The following RBFOX1 variants were observed in gnomAD, a reference collection of about 807,000 sequenced individuals.
RBFOX1 encodes the protein RNA binding fox-1 homolog 1.
RBFOX1 carries 8 observed loss-of-function variants against 57.7 expected under a neutral mutation model. That is an observed-to-expected ratio of 0.14 (90% CI 0.08 to 0.25). The LOEUF is 0.25. RBFOX1 is among the 10% of genes least tolerant of loss of function. The probability of loss-of-function intolerance (pLI) is 1.00; values close to 1 mark genes in which losing one functional copy is unlikely to be tolerated. For missense variants in RBFOX1, 611 were observed against 548.5 expected, an observed-to-expected ratio of 1.11 and a Z score of -1.14; for synonymous variants, 326 against 222.4, an observed-to-expected ratio of 1.47 and a Z score of -4.15.
At chr16:7,705,794 T>G (rs1325884498) in intron 14 of RBFOX1, among the ~76,000 whole-genome samples, 1 of 152,168 alleles carries the variant, frequency 6.6e-6, no homozygotes, top group African/African-American at 2.4e-5. Flanking sequence ...TTGGTGTTGA[T>G]GAACTAGTGG....
At chr16:6,996,186 A>T (rs908032529) in intron 3 of RBFOX1, among the ~76,000 whole-genome samples, 2 of 152,174 alleles carry the variant, frequency 1.3e-5, no homozygotes, top group Non-Finnish European at 2.9e-5. Context: ...CCGATAAATC[A>T]TTGCCTTTTT....
At chr16:6,497,611 C>T (rs1396546487) in intron 2 of RBFOX1, among the ~76,000 whole-genome samples, 1 of 151,638 alleles carries the variant, frequency 6.6e-6, no homozygotes, top group Non-Finnish European at 1.5e-5. Context: ...GGCTGGACTG[C>T]AGTGGCGCGA....
intron 2 of RBFOX1, among the ~76,000 whole-genome samples, chr16:6,411,092 C>T (rs908944369): frequency 2.6e-5 from 4 of 152,214 alleles, no homozygotes; most frequent in Admixed American, 2.6e-4. Flanking sequence ...TGAAAACCAA[C>T]TGGATGTCCC....
chr16:7,015,331 C>G (rs191674269), intron 3 of RBFOX1, among the ~76,000 whole-genome samples: 12 of 152,186 alleles, frequency 7.9e-5, no homozygotes, highest in Admixed American at 5.9e-4. Context: ...TGGAGTAGAT[C>G]TGGAGCTTGG....
intron 4 of RBFOX1, among the ~76,000 whole-genome samples, chr16:5,973,033 A>G (rs184928416): frequency 3.3e-4 from 50 of 152,332 alleles, no homozygotes; most frequent in African/African-American, 1.1e-3. Context: ...TAAACATTTC[A>G]GCTGCCCTGA....
chr16:6,904,607 A>G (rs1221070153), intron 3 of RBFOX1, among the ~76,000 whole-genome samples: 8 of 148,658 alleles, frequency 5.4e-5, no homozygotes, highest in Admixed American at 4.7e-4. Context: ...TCTAAAAAAA[A>G]AAAAAAAAAA....
chr16:7,504,729 A>T (rs78514753), intron 4 of RBFOX1, among the ~76,000 whole-genome samples: 241 of 6,774 alleles, frequency 0.036, 5 homozygotes, highest in Non-Finnish European at 0.079. Flanking sequence ...ATATATATAT[A>T]TATATATATA....
At chr16:7,304,151 G>A in intron 4 of RBFOX1, 1 of 950,806 alleles carries the variant, frequency 1.1e-6, no homozygotes, top group African/African-American at 1.8e-5. Flanking sequence ...CAGGGAGGAG[G>A]GACCGGCGGG....
At chr16:7,420,925 A>ATG (rs2098535803) in intron 4 of RBFOX1, among the ~76,000 whole-genome samples, 1 of 145,962 alleles carries the variant, frequency 6.9e-6, no homozygotes, top group Admixed American at 6.9e-5. Flanking sequence ...ATATATATAT[A>ATG]CACATATATA....
At chr16:6,534,764 C>G (rs1318200548) in intron 2 of RBFOX1, among the ~76,000 whole-genome samples, 1 of 152,094 alleles carries the variant, frequency 6.6e-6, no homozygotes, top group Non-Finnish European at 1.5e-5. Flanking sequence ...GATGGCATTT[C>G]TATGCACTTT....
chr16:6,715,328 C>G (rs1166503394), intron 3 of RBFOX1, among the ~76,000 whole-genome samples: 1 of 151,332 alleles, frequency 6.6e-6, no homozygotes, highest in African/African-American at 2.4e-5. Context: ...GCCTTAGATT[C>G]TGGGACCAGG....
chr16:6,135,814 A>C (rs1397240846), intron 1 of RBFOX1, among the ~76,000 whole-genome samples: 3 of 53,190 alleles, frequency 5.6e-5, no homozygotes, highest in Non-Finnish European at 1.0e-4. Context: ...TTTTTTTTTG[A>C]GACACAGTCT....
chr16:6,565,804 T>G (rs2345086), intron 2 of RBFOX1, among the ~76,000 whole-genome samples: 1 of 152,032 alleles, frequency 6.6e-6, no homozygotes, highest in South Asian at 2.1e-4. Context: ...GCTCACCTGA[T>G]GAAAAAAAGA....
intron 3 of RBFOX1, among the ~76,000 whole-genome samples, chr16:6,928,617 C>A (rs544824527): frequency 2.0e-5 from 3 of 152,076 alleles, no homozygotes; most frequent in Admixed American, 6.6e-5. Flanking sequence ...CCTGTAGCTC[C>A]CAAGGTCTCT....
At chr16:7,160,736 C>T (rs2078132057) in intron 4 of RBFOX1, among the ~76,000 whole-genome samples, 1 of 151,942 alleles carries the variant, frequency 6.6e-6, no homozygotes, top group African/African-American at 2.4e-5. Flanking sequence ...AGTTTCTTAA[C>T]ATAGGTACCT....
Position 5,998,718 on chromosome 16 carries a change from C to G in RBFOX1, c.351+131383C>G, listed in dbSNP as rs189768368. ...TGCTTACAGAATATGAGAACTTTAC[C>G]CAGTCTCTGATTGTCCATAATTAAA... On this transcript the variant is annotated intron_variant, in intron 4 of 19. Coordinates refer to the RBFOX1 transcript ENST00000641259. Among the ~76,000 whole-genome samples the G allele has an allele frequency of 2.8e-3, 427 of 152,218 alleles. 1 individual carries two copies. The highest frequency in any genetic ancestry group is 0.017 in the Middle Eastern group (5 of 292).
intron 2 of RBFOX1, among the ~76,000 whole-genome samples, chr16:6,564,717 G>T (rs992156873): frequency 6.6e-6 from 1 of 152,146 alleles, no homozygotes; most frequent in Non-Finnish European, 1.5e-5. Context: ...TGAGGATCTT[G>T]TTCCCCAGTG....
At chr16:5,858,962 C>G (rs779338358) in intron 3 of RBFOX1, among the ~76,000 whole-genome samples, 19 of 152,166 alleles carry the variant, frequency 1.2e-4, no homozygotes, top group Admixed American at 8.5e-4. Flanking sequence ...CGCCTGTAAT[C>G]CCAGCCCTTT....
chr16:6,995,290 TTGTGTGTGTGTG>T (rs57039390), intron 3 of RBFOX1, among the ~76,000 whole-genome samples: 8,986 of 138,400 alleles, frequency 0.065, 318 homozygotes, highest in South Asian at 0.19. Context: ...GAAAGTAGCC[TTGTGTGTGTGTG>T]TGTGTGTGTG....
Sources: allele counts gnomAD v4.1 joint callset (sites outside exome capture counted in the v4.1 genomes callset), GRCh38; gene constraint gnomAD v4.1.1; transcripts MANE v1.5; gene names NCBI Gene and HGNC (gene_info 2026-07-23, HGNC 2026-07-21).